The following ADAMTS17 variants were observed in gnomAD, a reference collection of about 807,000 sequenced individuals.
ADAMTS17 encodes A disintegrin and metalloproteinase with thrombospondin motifs 17.
A neutral mutation model predicts 141.5 loss-of-function variants in ADAMTS17; 113 were observed. The observed-to-expected ratio is 0.80, with a 90% CI of 0.69 to 0.93. ADAMTS17 has a LOEUF of 0.93. ADAMTS17 is among the 40% of genes least tolerant of loss of function. The pLI is 0.00. For missense variants in ADAMTS17, 1,659 were observed against 1,517.9 expected (o/e 1.09, Z -1.54); for synonymous variants, 768 against 630.6 (o/e 1.22, Z -3.27).
At chr15:100,006,530 G>A (rs185438189) in intron 18 of ADAMTS17, among the ~76,000 whole-genome samples, 1 of 152,262 alleles carries the variant, frequency 6.6e-6, no homozygotes, top group East Asian at 1.9e-4. Context: ...AATCTCAAAC[G>A]CAGGTAGCCA....
At chr15:100,029,919 T>C (rs1289481865) in intron 18 of ADAMTS17, among the ~76,000 whole-genome samples, 1 of 152,208 alleles carries the variant, frequency 6.6e-6, no homozygotes, top group African/African-American at 2.4e-5. Flanking sequence ...GGTCTCACTC[T>C]GGATGTACTG....
intron 7 of ADAMTS17, among the ~76,000 whole-genome samples, chr15:100,207,550 T>C (rs2041623784): frequency 6.6e-6 from 1 of 152,176 alleles, no homozygotes; most frequent in Non-Finnish European, 1.5e-5. Context: ...GGCTTGGCCT[T>C]GATGTTCACG....
chr15:100,118,704 G>A (rs896644583), intron 12 of ADAMTS17, among the ~76,000 whole-genome samples: 11 of 152,138 alleles, frequency 7.2e-5, no homozygotes, highest in Admixed American at 2.0e-4. Flanking sequence ...CCTGTGCCAC[G>A]GAACACGGCA....
intron 14 of ADAMTS17, among the ~76,000 whole-genome samples, chr15:100,107,577 G>A (rs1412411589): frequency 6.6e-6 from 1 of 152,166 alleles, no homozygotes; most frequent in African/African-American, 2.4e-5. Context: ...CCCTCAAGGT[G>A]ATGGTGTTAG....
chr15:100,303,481 A>G (rs866017608), intron 3 of ADAMTS17, among the ~76,000 whole-genome samples: 16 of 151,898 alleles, frequency 1.1e-4, no homozygotes, highest in Middle Eastern at 6.8e-3. Flanking sequence ...CAATTTATCT[A>G]TATTTTCTTT....
chr15:99,975,251 C>T (rs368033939), intron 21 of ADAMTS17, among the ~76,000 whole-genome samples: 3 of 152,174 alleles, frequency 2.0e-5, no homozygotes, highest in Admixed American at 2.0e-4. Context: ...ACTCTGTTGC[C>T]CAGGCTGGAG....
At chr15:100,034,528 T>C (rs758659197) in intron 18 of ADAMTS17, among the ~76,000 whole-genome samples, 4 of 152,224 alleles carry the variant, frequency 2.6e-5, no homozygotes, top group Non-Finnish European at 4.4e-5. Flanking sequence ...AGTGAGCCCC[T>C]GCAGAAAGGG....
At chr15:99,976,797 G>A (rs2060342577) in intron 20 of ADAMTS17, among the ~76,000 whole-genome samples, 1 of 152,184 alleles carries the variant, frequency 6.6e-6, no homozygotes, top group South Asian at 2.1e-4. Context: ...GAACTGTAAG[G>A]AATAAATGTT....
At chr15:100,305,461 C>A (rs1374222917) in intron 3 of ADAMTS17, among the ~76,000 whole-genome samples, 2 of 152,212 alleles carry the variant, frequency 1.3e-5, no homozygotes, top group African/African-American at 4.8e-5. Flanking sequence ...AGAGCGCTGG[C>A]AAAAGCCAGT....
chr15:100,090,178 A>G (rs2035367048), intron 15 of ADAMTS17, among the ~76,000 whole-genome samples: 1 of 152,164 alleles, frequency 6.6e-6, no homozygotes, highest in Admixed American at 6.5e-5. Context: ...TTCAACTGTG[A>G]TTGGATTCCA....
At chr15:100,094,793 C>T (rs991676846) in intron 15 of ADAMTS17, among the ~76,000 whole-genome samples, 2 of 152,212 alleles carry the variant, frequency 1.3e-5, no homozygotes, top group African/African-American at 4.8e-5. Context: ...CTAAATGTTG[C>T]CTCAGCAGCA....
chr15:100,116,012 A>G (rs757587600), intron 13 of ADAMTS17, among the ~76,000 whole-genome samples: 12 of 152,034 alleles, frequency 7.9e-5, no homozygotes, highest in African/African-American at 1.4e-4. Flanking sequence ...TGTTTTGCGT[A>G]TTAAATGAGA....
chr15:100,331,142 T>C, intron 2 of ADAMTS17, 88 bp from the exon 3 acceptor site: 1 of 1,539,010 alleles, frequency 6.5e-7, no homozygotes. Context: ...AAGACCACCT[T>C]GCTGTGATTT....
At chr15:100,333,635 C>A (rs1749373621) in intron 2 of ADAMTS17, among the ~76,000 whole-genome samples, 1 of 152,238 alleles carries the variant, frequency 6.6e-6, no homozygotes, top group Non-Finnish European at 1.5e-5. Context: ...TGGAGCTCTG[C>A]CCACTGCCCT....
chr15:100,074,528 T>C (rs889138342), intron 15 of ADAMTS17, among the ~76,000 whole-genome samples: 2 of 152,056 alleles, frequency 1.3e-5, no homozygotes, highest in Non-Finnish European at 2.9e-5. Flanking sequence ...AGTATAATTA[T>C]ATTAATATAT....
intron 14 of ADAMTS17, among the ~76,000 whole-genome samples, chr15:100,099,025 C>T (rs193031556): frequency 6.6e-6 from 1 of 152,222 alleles, no homozygotes; most frequent in East Asian, 1.9e-4. Flanking sequence ...GGTTCCTTGT[C>T]CTGCACCTCA....
rs567908798 is a variant in ADAMTS17 at position 100,154,233 on chromosome 15, G to A, written c.1322+947C>T. Reference sequence around the variant, plus strand: ...TCTCGTGGCCATGACCCTTCTGGGTGAAGTGAAATAACATCAAGGGGCTTA... The same window carrying A: ...TCTCGTGGCCATGACCCTTCTGGGTAAAGTGAAATAACATCAAGGGGCTTA... On this transcript the variant is annotated intron_variant, in intron 9 of 21. Coordinates refer to ENST00000268070, the MANE Select transcript of ADAMTS17 (RefSeq NM_139057.4). Among the ~76,000 whole-genome samples, 15 of 152,264 alleles carry A rather than the reference G, an allele frequency of 9.9e-5. No homozygotes were observed. In the East Asian group the frequency reaches 2.9e-3, roughly 29 times the overall value.
chr15:99,998,962 A>G (rs1212245865), intron 18 of ADAMTS17, among the ~76,000 whole-genome samples: 1 of 152,118 alleles, frequency 6.6e-6, no homozygotes, highest in Non-Finnish European at 1.5e-5. Flanking sequence ...GCCCCAAACC[A>G]AGTCTGATCA....
At chr15:100,192,901 C>T (rs753159148) in intron 8 of ADAMTS17, among the ~76,000 whole-genome samples, 1 of 152,138 alleles carries the variant, frequency 6.6e-6, no homozygotes, top group Non-Finnish European at 1.5e-5. Flanking sequence ...GACATGTGTC[C>T]ACCCACTGCC....
Sources: gnomAD v4.1 joint callset for allele counts (sites outside exome capture counted in the v4.1 genomes callset) on GRCh38, gnomAD v4.1.1 for gene constraint, MANE v1.5 for transcripts, NCBI Gene and HGNC (gene_info 2026-07-23, HGNC 2026-07-21) for gene names.